The following GALNT5 variants were observed in gnomAD, a reference collection of about 807,000 sequenced individuals.
GALNT5 encodes UDP-GalNAc:polypeptide N-acetylgalactosaminyltransferase 5.
GALNT5 carries 72 observed loss-of-function variants against 85.4 expected under a neutral mutation model. The observed-to-expected ratio is 0.84, with a 90% confidence interval of 0.70 to 1.03. GALNT5 has a LOEUF of 1.03. GALNT5 is among the 50% of genes least tolerant of loss of function. The probability of loss-of-function intolerance (pLI) is 0.00; values close to 1 mark genes in which losing one functional copy is unlikely to be tolerated. For synonymous variants in GALNT5, 404 were observed against 397.0 expected (o/e 1.02, Z -0.21); for missense variants, 1,137 against 1,135.5 (o/e 1.00, Z -0.02).
At chr2:157,289,054 T>C (rs1017785729) in intron 3 of GALNT5, among the ~76,000 whole-genome samples, 9 of 152,178 alleles carry the variant, frequency 5.9e-5, no homozygotes, top group Non-Finnish European at 1.2e-4. Context: ...CATATAAATT[T>C]GAGATGAAAA....
chr2:157,286,133 AG>A lies in GALNT5; in HGVS notation c.1741+1del, dbSNP rs772709944. ...ARLAGAQNAT[G>X]DVLTFLDSHV... ...GGCTGGCAGGAGCACAGAATGCAAC[AG>A]GTAAGAAGTTACTCATTTTTTTGTT... On this transcript the variant is annotated frameshift_variant and splice_region_variant, in exon 3 of 10. Coordinates refer to ENST00000259056, the MANE Select transcript of GALNT5 (RefSeq NM_014568.3). LOFTEE classifies it high-confidence loss of function. 1 of 1,605,772 alleles carries A rather than the reference AG, an allele frequency of 6.2e-7. No homozygotes were observed.
chr2:157,273,345 T>G (rs1157593986), intron 1 of GALNT5, among the ~76,000 whole-genome samples: 2 of 152,322 alleles, frequency 1.3e-5, no homozygotes, highest in Admixed American at 6.5e-5. Flanking sequence ...GACCAATTTT[T>G]TAGTACTTCT....
chr2:157,307,677 T>C (rs1424800389), intron 8 of GALNT5, among the ~76,000 whole-genome samples: 2 of 152,190 alleles, frequency 1.3e-5, no homozygotes, highest in Non-Finnish European at 2.9e-5. Flanking sequence ...CACAATGACT[T>C]TGATCTAACC....
At chr2:157,274,041 T>C (rs1438192627) in intron 1 of GALNT5, among the ~76,000 whole-genome samples, 2 of 152,114 alleles carry the variant, frequency 1.3e-5, no homozygotes, top group African/African-American at 4.8e-5. Flanking sequence ...GTTCTCATTG[T>C]TCAATTCCCA....
chr2:157,279,906 C>A (rs991883878), intron 1 of GALNT5, among the ~76,000 whole-genome samples: 1 of 152,166 alleles, frequency 6.6e-6, no homozygotes, highest in Non-Finnish European at 1.5e-5. Context: ...GTGTCAATCA[C>A]GCTGGGAGCT....
chr2:157,279,168 G>GCTGCCTGATCCTTCCT lies in GALNT5; in HGVS notation c.1455-5105_1455-5090dup, dbSNP rs1227536945. Among the ~76,000 whole-genome samples the GCTGCCTGATCCTTCCT allele has an allele frequency of 5.9e-5, 9 of 152,266 alleles. No homozygotes were observed. The East Asian group carries it at 1.7e-3, about 29-fold the overall frequency. ...TGGAGGCTGCAGAACAGCAAATATT[G>GCTGCCTGATCCTTCCT]CTGCCTGATCCTTCCTCTGCCTGAA... is the stretch of plus-strand genomic sequence containing the variant. On this transcript the variant is annotated intron_variant, in intron 1 of 9. Coordinates refer to ENST00000259056, the MANE Select transcript of GALNT5 (RefSeq NM_014568.3).
chr2:157,279,078 A>C (rs550693026), intron 1 of GALNT5, among the ~76,000 whole-genome samples: 4 of 152,290 alleles, frequency 2.6e-5, no homozygotes, highest in Non-Finnish European at 4.4e-5. Context: ...CAGGACCCTC[A>C]GCTGCAGATC....
At chr2:157,280,051 G>C (rs932731708) in intron 1 of GALNT5, among the ~76,000 whole-genome samples, 1 of 152,078 alleles carries the variant, frequency 6.6e-6, no homozygotes, top group African/African-American at 2.4e-5. Context: ...ACCCACCTTG[G>C]CCTCCCAAAG....
At chr2:157,278,858 C>T (rs1460938972) in intron 1 of GALNT5, among the ~76,000 whole-genome samples, 4 of 152,194 alleles carry the variant, frequency 2.6e-5, no homozygotes, top group Non-Finnish European at 5.9e-5. Context: ...TGTTCCATCG[C>T]TGGCTAGGAG....
intron 1 of GALNT5, among the ~76,000 whole-genome samples, chr2:157,284,018 T>G (rs1460141047): frequency 6.6e-6 from 1 of 152,206 alleles, no homozygotes; most frequent in African/African-American, 2.4e-5. Context: ...TCTCATGTCT[T>G]GCATTTCTAG....
chr2:157,296,349 G>A, intron 4 of GALNT5, 45 bp from the exon 5 acceptor site: 1 of 1,490,470 alleles, frequency 6.7e-7, no homozygotes, highest in Non-Finnish European at 9.3e-7. Flanking sequence ...ATATAAAGAT[G>A]TATATAATCC....
chr2:157,303,179 A>G (rs1450760112), intron 7 of GALNT5, among the ~76,000 whole-genome samples: 1 of 152,202 alleles, frequency 6.6e-6, no homozygotes, highest in Non-Finnish European at 1.5e-5. Flanking sequence ...AATCTCACCA[A>G]TAATGTATTT....
At position 157,311,430 on chromosome 2, in the gene GALNT5, GTAGTT is replaced by G. The variant is rs1451667207; in HGVS notation, c.*85_*89del. The G allele has an allele frequency of 1.1e-6, 1 of 925,288 alleles. No homozygotes were observed. The highest frequency in any genetic ancestry group is 1.6e-6 in the Non-Finnish European group (1 of 629,314). The allele number at this position is 925,288 out of a possible 1,614,324, so 57.3% of individuals were successfully genotyped here. ...AACTTGGAAACTATATTTCTCAGCG[GTAGTT>G]TAAATTTTCAATTTTAATAACATTT... On this transcript the variant is annotated 3_prime_UTR_variant, in exon 10 of 10. Transcript: ENST00000259056.
At chr2:157,280,442 G>A (rs989463584) in intron 1 of GALNT5, among the ~76,000 whole-genome samples, 2 of 152,198 alleles carry the variant, frequency 1.3e-5, no homozygotes, top group Non-Finnish European at 2.9e-5. Context: ...AGCTGAAAGA[G>A]GCAAGGAACA....
At chr2:157,295,971 G>A (rs1416379274) in intron 4 of GALNT5, among the ~76,000 whole-genome samples, 173 bp downstream of exon 4, 1 of 152,116 alleles carries the variant, frequency 6.6e-6, no homozygotes, top group African/African-American at 2.4e-5. Flanking sequence ...AGAGTCTGCT[G>A]ATGCAATAAT....
At chr2:157,269,249 A>G (rs1246286467) in intron 1 of GALNT5, among the ~76,000 whole-genome samples, 1 of 152,208 alleles carries the variant, frequency 6.6e-6, no homozygotes, top group African/African-American at 2.4e-5. Context: ...TAGTTTTGCT[A>G]GATACCCGGA....
intron 2 of GALNT5, among the ~76,000 whole-genome samples, chr2:157,284,827 T>G (rs1018666763): frequency 2.0e-5 from 3 of 152,212 alleles, no homozygotes; most frequent in African/African-American, 7.2e-5. Flanking sequence ...ACAGTTAGAC[T>G]CTATGGAAGG....
At position 157,313,879 on chromosome 2, in the gene GALNT5, G is replaced by C. The variant is rs1006065110; in HGVS notation, c.*2531G>C. On this transcript the variant is annotated 3_prime_UTR_variant, in exon 10 of 10. Transcript: ENST00000259056. ...TTTTGAACATCACAAATTTGTTCTT[G>C]GATAGAATTTTATACATTGCTTTTC... 1.3e-5 allele frequency: 2 copies of C among 152,046 alleles called. No homozygotes were observed. 9.4% of individuals were successfully genotyped at this position (152,046 alleles called of 1,614,324 possible). A position where few individuals can be genotyped will look rare whatever the true frequency, so the allele number is the denominator to read the frequency against.
chr2:157,298,865 C>G (rs1377197206), intron 5 of GALNT5: 3 of 152,382 alleles, frequency 2.0e-5, no homozygotes, highest in Non-Finnish European at 4.4e-5. Context: ...CTTACCTTCT[C>G]CGTGTTGCCA....
Sources: allele counts gnomAD v4.1 joint callset (sites outside exome capture counted in the v4.1 genomes callset), GRCh38; gene constraint gnomAD v4.1.1; transcripts MANE v1.5; gene names NCBI Gene and HGNC (gene_info 2026-07-23, HGNC 2026-07-21).